ELAC1: variants seen among roughly 807,000 people sequenced by gnomAD.
The protein encoded by ELAC1 is elaC ribonuclease Z 1.
In ELAC1, 19 loss-of-function variants were observed where a neutral mutation model predicts 25.8. The observed-to-expected ratio is 0.74, with a 90% confidence interval of 0.51 to 1.08. The LOEUF is 1.08. Ranked by LOEUF, ELAC1 falls within the 50% of genes least tolerant of loss-of-function variation. The pLI is 0.00. For missense variants in ELAC1, 403 were observed against 434.6 expected (o/e 0.93, Z 0.65); for synonymous variants, 148 against 160.9 (o/e 0.92, Z 0.61).
intron 1 of ELAC1, chr18:50,969,035 T>C (rs1480699642): frequency 6.6e-6 from 1 of 152,250 alleles, no homozygotes; most frequent in Non-Finnish European, 1.5e-5. Context: ...ACCTTGTTCA[T>C]GTTTATAAAA....
Position 50,987,040 on chromosome 18 carries a change from T to G in ELAC1, c.1047T>G (p.Thr349=), listed in dbSNP as rs761729394. The change falls in exon 4 of 4, where the codon ACT becomes ACG. Residue 349 remains threonine, a synonymous_variant. Coordinates refer to ENST00000269466, the MANE Select transcript of ELAC1 (RefSeq NM_018696.3). ...AESVLDLQEV[T]LAEDFMVISI... ...CAGTGTTAGATCTCCAAGAAGTGAC[T>G]CTAGCAGAAGATTTTATGGTGATAA... The G allele has an allele frequency of 6.9e-6, 11 of 1,585,802 alleles. No individual in the cohort carries two copies. Among genetic ancestry groups the G allele is most frequent in the Non-Finnish European group, 9.4e-6 (11 of 1,167,382 alleles).
At chr18:50,983,169 T>TTTTG (rs1555681521) in intron 2 of ELAC1, among the ~76,000 whole-genome samples, 5 of 140,792 alleles carry the variant, frequency 3.6e-5, no homozygotes, top group African/African-American at 1.3e-4. Flanking sequence ...TTTTTTTTTT[T>TTTTG]TTTTTTTTTT....
At chr18:50,978,183 A>G (rs28878854) in intron 2 of ELAC1, among the ~76,000 whole-genome samples, 3,335 of 152,218 alleles carry the variant, frequency 0.022, 113 homozygotes, top group African/African-American at 0.075. Context: ...TGAGCCCTCC[A>G]AACTGTTCCA....
chr18:50,974,431 G>T lies in ELAC1; in HGVS notation c.27G>T (p.Gly9=). Residue 9 remains glycine, a synonymous_variant, in exon 2 of 4, where the codon GGG becomes GGT. Transcript: ENST00000269466. Reference sequence around the variant, plus strand: ...TGTCTATGGATGTGACATTCCTGGGGACGGGTGCAGCATACCCATCTCCAA... The same window carrying T: ...TGTCTATGGATGTGACATTCCTGGGTACGGGTGCAGCATACCCATCTCCAA... MSMDVTFL[G]TGAAYPSPTR... 1 of 1,559,550 alleles carries T rather than the reference G, an allele frequency of 6.4e-7. No individual in the cohort carries two copies. The highest frequency in any genetic ancestry group is 8.7e-7 in the Non-Finnish European group (1 of 1,154,656).
intron 2 of ELAC1, among the ~76,000 whole-genome samples, chr18:50,976,722 C>T (rs975426264): frequency 3.3e-5 from 5 of 152,148 alleles, no homozygotes; most frequent in African/African-American, 9.7e-5. Context: ...CCAATAGTCC[C>T]CCAAAGTCTT....
chr18:50,985,008 C>G (rs1908061820), intron 3 of ELAC1, among the ~76,000 whole-genome samples: 1 of 152,118 alleles, frequency 6.6e-6, no homozygotes, highest in Non-Finnish European at 1.5e-5. Flanking sequence ...CACTTAGTCC[C>G]TTTGTCCAAA....
chr18:50,984,653 C>A, intron 3 of ELAC1, 90 bp downstream of exon 3: 1 of 995,874 alleles, frequency 1.0e-6, no homozygotes, highest in Non-Finnish European at 1.5e-6. Flanking sequence ...ATAGTAAGGC[C>A]AGGAGTTGTG....
In ELAC1 at chr18:50,971,910, GTGTATATATA is replaced by G. The variant is rs1457029924; in HGVS notation, c.-8-2485_-8-2476del. ...TATATGTATATATGTGTGTGTGTGT[GTGTATATATA>G]TATATATATATATATATATATATCC... On this transcript the variant is annotated intron_variant, in intron 1 of 3. Transcript: ENST00000269466. 1.2e-3 allele frequency among the ~76,000 whole-genome samples: 78 copies of G among 64,172 alleles called. No individual in the cohort carries two copies. The Middle Eastern group carries it at 0.024, about 20-fold the overall frequency. 42.1% of individuals were successfully genotyped at this position (64,172 alleles called of 152,430 possible).
At position 50,986,617 on chromosome 18, in the gene ELAC1, A is replaced by G; in HGVS notation, c.626-2A>G. 2 of 1,597,758 alleles carry G rather than the reference A, an allele frequency of 1.3e-6. No homozygotes were observed. Among genetic ancestry groups the G allele is most frequent in the South Asian group, 1.1e-5 (1 of 88,896 alleles). Reference sequence around the variant, plus strand: ...TGTAATGTTATCTGCCTTCATCATTAGGTGTTCCACCAGGTCCTGCCTATG... The same window carrying G: ...TGTAATGTTATCTGCCTTCATCATTGGGTGTTCCACCAGGTCCTGCCTATG... On this transcript the variant is annotated splice_acceptor_variant, in intron 3 of 3. Transcript: ENST00000269466. LOFTEE classifies it high-confidence loss of function.
intron 1 of ELAC1, chr18:50,969,648 C>T (rs1260342787): frequency 6.6e-6 from 1 of 152,212 alleles, no homozygotes; most frequent in African/African-American, 2.4e-5. Flanking sequence ...GACAGCTAGA[C>T]AATGCGTGCT....
At chr18:50,983,735 T>A (rs1297577724) in intron 2 of ELAC1, among the ~76,000 whole-genome samples, 1 of 149,376 alleles carries the variant, frequency 6.7e-6, no homozygotes, top group East Asian at 2.0e-4. Flanking sequence ...GGGTCTGTAG[T>A]CCTAGCTACT....
intron 2 of ELAC1, among the ~76,000 whole-genome samples, chr18:50,982,993 A>C (rs1353396858): frequency 6.6e-6 from 1 of 152,034 alleles, no homozygotes; most frequent in African/African-American, 2.4e-5. Context: ...TGGTCCAGTC[A>C]GTTGGAGCCA....
At chr18:50,976,035 G>C (rs1907790878) in intron 2 of ELAC1, among the ~76,000 whole-genome samples, 1 of 152,176 alleles carries the variant, frequency 6.6e-6, no homozygotes, top group African/African-American at 2.4e-5. Flanking sequence ...GGGGAGCATT[G>C]AGTACTTGGC....
At chr18:50,975,803 A>C (rs1907785336) in intron 2 of ELAC1, among the ~76,000 whole-genome samples, 1 of 152,156 alleles carries the variant, frequency 6.6e-6, no homozygotes. Context: ...TGATAAGTAG[A>C]ATAATGGAAG....
At chr18:50,970,303 G>A (rs994516707) in intron 1 of ELAC1, among the ~76,000 whole-genome samples, 4 of 152,118 alleles carry the variant, frequency 2.6e-5, no homozygotes, top group African/African-American at 9.7e-5. Context: ...ATATGCCCCC[G>A]GGGTTATGTA....
chr18:50,975,152 C>T (rs978016189), intron 2 of ELAC1, among the ~76,000 whole-genome samples: 3 of 152,132 alleles, frequency 2.0e-5, no homozygotes, highest in Non-Finnish European at 4.4e-5. Flanking sequence ...GGGTTCTAGT[C>T]CTGGCTGTGT....
chr18:50,974,337 C>T, intron 1 of ELAC1, 60 bp from the exon 2 acceptor site: 1 of 1,421,476 alleles, frequency 7.0e-7, no homozygotes, highest in Non-Finnish European at 9.4e-7. Flanking sequence ...ATAAATATTA[C>T]AGGAATATGT....
intron 2 of ELAC1, among the ~76,000 whole-genome samples, chr18:50,980,198 C>T (rs970612664): frequency 6.6e-5 from 10 of 151,812 alleles, no homozygotes; most frequent in Non-Finnish European, 1.3e-4. Context: ...AGATGTGGTC[C>T]CAGTGGGAGG....
At position 50,984,286 on chromosome 18, in the gene ELAC1, C is replaced by A. The variant is rs774643743; in HGVS notation, c.348C>A (p.Phe116Leu). 2.5e-6 allele frequency: 4 copies of A among 1,614,018 alleles called. No homozygotes were observed. In the African/African-American group the frequency reaches 5.3e-5, roughly 22 times the overall value. Residue 116 changes from phenylalanine (F) to leucine (L), a missense_variant, in exon 3 of 4, where the codon TTC becomes TTA. Coordinates refer to ENST00000269466, the MANE Select transcript of ELAC1 (RefSeq NM_018696.3). ...AACTCTCTCACACGGAGCTGGTCTT[C>A]CATTATGTGGTTCATGAACTGGTTC... ...TMELSHTELV[F>L]HYVVHELVPT... is the part of the protein sequence containing the mutation.
Sources: allele counts gnomAD v4.1 joint callset (sites outside exome capture counted in the v4.1 genomes callset), GRCh38; gene constraint gnomAD v4.1.1; transcripts MANE v1.5; gene names NCBI Gene and HGNC (gene_info 2026-07-23, HGNC 2026-07-21).